LRRTM4: variants seen among roughly 807,000 people sequenced by gnomAD.
LRRTM4 encodes the protein leucine-rich repeat transmembrane neuronal protein 4.
Under a neutral mutation model 47.6 loss-of-function variants are expected in LRRTM4, and 25 were observed. The observed-to-expected ratio is 0.53, with a 90% confidence interval of 0.38 to 0.73. LRRTM4 has a LOEUF of 0.73. Ranked by LOEUF, LRRTM4 falls within the 30% of genes least tolerant of loss-of-function variation. LRRTM4 has a pLI of 0.00. For synonymous variants in LRRTM4, 311 were observed against 269.5 expected (o/e 1.15, Z -1.51); for missense variants, 638 against 713.4 (o/e 0.89, Z 1.20).
intron 3 of LRRTM4, among the ~76,000 whole-genome samples, chr2:76,964,492 T>C (rs1482819222): frequency 6.6e-6 from 1 of 150,954 alleles, no homozygotes; most frequent in Non-Finnish European, 1.5e-5. Flanking sequence ...AATTTACCAA[T>C]TGTTTTTTTC....
At chr2:77,434,561 C>T (rs1288333387) in intron 3 of LRRTM4, among the ~76,000 whole-genome samples, 1 of 151,946 alleles carries the variant, frequency 6.6e-6, no homozygotes, top group Non-Finnish European at 1.5e-5. Context: ...AAAAAAGTTA[C>T]ATATTTTACA....
intron 3 of LRRTM4, chr2:77,008,998 A>C (rs1395149723): frequency 1.3e-5 from 2 of 151,904 alleles, no homozygotes; most frequent in Non-Finnish European, 2.9e-5. Context: ...ACTGACTGAC[A>C]TCTTCTTGTC....
At chr2:77,004,810 G>A (rs1160768041) in intron 3 of LRRTM4, among the ~76,000 whole-genome samples, 8 of 152,178 alleles carry the variant, frequency 5.3e-5, no homozygotes, top group Admixed American at 5.2e-4. Flanking sequence ...CCAAGGTCGT[G>A]AAAATCCACA....
chr2:77,125,739 A>G (rs1430852090), intron 3 of LRRTM4, among the ~76,000 whole-genome samples: 1 of 152,074 alleles, frequency 6.6e-6, no homozygotes, highest in Non-Finnish European at 1.5e-5. Context: ...CACCACTAGA[A>G]AATTTAGATA....
intron 3 of LRRTM4, among the ~76,000 whole-genome samples, chr2:76,839,186 T>C (rs1010393713): frequency 6.6e-6 from 1 of 152,028 alleles, no homozygotes; most frequent in Admixed American, 6.6e-5. Context: ...TAAGAAGTGC[T>C]CTCCAATGAT....
chr2:76,924,621 A>G (rs1229331302), intron 3 of LRRTM4, among the ~76,000 whole-genome samples: 4 of 150,952 alleles, frequency 2.6e-5, no homozygotes, highest in Non-Finnish European at 5.9e-5. Flanking sequence ...TAGTCTCAAC[A>G]CTACTGATAT....
chr2:76,759,347 C>T (rs1418485888), intron 3 of LRRTM4, among the ~76,000 whole-genome samples: 1 of 152,178 alleles, frequency 6.6e-6, no homozygotes, highest in Non-Finnish European at 1.5e-5. Context: ...AGACAATGAG[C>T]TGGACTCACG....
At chr2:77,031,158 CTA>C (rs987364837) in intron 3 of LRRTM4, among the ~76,000 whole-genome samples, 2 of 148,124 alleles carry the variant, frequency 1.4e-5, no homozygotes, top group African/African-American at 5.3e-5. Flanking sequence ...AGCAAAATAT[CTA>C]TTTCTACATT....
intron 3 of LRRTM4, among the ~76,000 whole-genome samples, chr2:77,175,319 G>T (rs1673164320): frequency 6.6e-6 from 1 of 151,958 alleles, no homozygotes. Context: ...CAGGATCCAA[G>T]GTCTAAAACC....
chr2:77,260,739 G>A lies in LRRTM4; in HGVS notation c.1551+257579C>T, dbSNP rs187321361. ...TGATTGGGCATTTACATTTGGAGTG[G>A]GTTGTTAAAATTGTAATTATCCAAT... On this transcript the variant is annotated intron_variant, in intron 3 of 3. Transcript: ENST00000409884. 2.0e-3 allele frequency among the ~76,000 whole-genome samples: 310 copies of A among 152,038 alleles called. 2 individuals are homozygous for A. Among genetic ancestry groups the A allele is most frequent in the African/African-American group, 7.0e-3 (291 of 41,478 alleles).
intron 3 of LRRTM4, among the ~76,000 whole-genome samples, chr2:77,126,851 G>T (rs930384455): frequency 7.9e-5 from 12 of 152,226 alleles, no homozygotes; most frequent in Non-Finnish European, 1.6e-4. Context: ...TCAGGAGAGG[G>T]TTGCATTCCT....
chr2:76,809,339 G>A (rs561290118), intron 3 of LRRTM4, among the ~76,000 whole-genome samples: 1 of 152,138 alleles, frequency 6.6e-6, no homozygotes, highest in African/African-American at 2.4e-5. Context: ...TTTGATGTTT[G>A]CAGTCCCTCA....
intron 3 of LRRTM4, among the ~76,000 whole-genome samples, chr2:76,802,527 A>T (rs1032491239): frequency 8.5e-5 from 13 of 152,114 alleles, no homozygotes; most frequent in African/African-American, 2.9e-4. Flanking sequence ...GGAAACCGGA[A>T]AAATGTCTAT....
chr2:76,796,243 G>C (rs757954072), intron 3 of LRRTM4, among the ~76,000 whole-genome samples: 33,059 of 126,838 alleles, frequency 0.26, 6,495 homozygotes, highest in East Asian at 0.52. Context: ...CTGGGGGAGG[G>C]GTGCCCGCCA....
intron 3 of LRRTM4, among the ~76,000 whole-genome samples, chr2:76,991,001 A>G (rs1338836267): frequency 1.3e-5 from 2 of 151,848 alleles, no homozygotes; most frequent in Non-Finnish European, 2.9e-5. Flanking sequence ...AGATCTCTGT[A>G]AACCACACAG....
At chr2:76,961,230 A>C (rs1001713337) in intron 3 of LRRTM4, among the ~76,000 whole-genome samples, 1 of 151,446 alleles carries the variant, frequency 6.6e-6, no homozygotes, top group Non-Finnish European at 1.5e-5. Flanking sequence ...TAAATATCTA[A>C]TATAATTGGA....
chr2:76,769,695 C>G (rs537861491), intron 3 of LRRTM4, among the ~76,000 whole-genome samples: 47 of 152,094 alleles, frequency 3.1e-4, no homozygotes, highest in African/African-American at 1.0e-3. Context: ...GAATTCGTAT[C>G]GGCATTTTAA....
intron 3 of LRRTM4, among the ~76,000 whole-genome samples, chr2:76,768,780 G>C (rs1259203806): frequency 1.3e-5 from 2 of 152,072 alleles, no homozygotes; most frequent in African/African-American, 4.8e-5. Context: ...ATTCTCACTA[G>C]GCATTGCGGA....
At chr2:76,972,992 T>C (rs1356803883) in intron 3 of LRRTM4, among the ~76,000 whole-genome samples, 4 of 152,108 alleles carry the variant, frequency 2.6e-5, no homozygotes, top group African/African-American at 9.6e-5. Flanking sequence ...TTTTTATCAA[T>C]ATTTTAAAAG....
Sources: gnomAD v4.1 joint callset for allele counts (sites outside exome capture counted in the v4.1 genomes callset) on GRCh38, gnomAD v4.1.1 for gene constraint, MANE v1.5 for transcripts, NCBI Gene and HGNC (gene_info 2026-07-23, HGNC 2026-07-21) for gene names.